TMCC2: variants seen among roughly 807,000 people sequenced by gnomAD.
The protein encoded by TMCC2 is transmembrane and coiled-coil domains protein 2.
A neutral mutation model predicts 49.4 loss-of-function variants in TMCC2; 16 were observed. The ratio of observed to expected loss-of-function variants is 0.32; its 90% CI spans 0.22 to 0.49. The LOEUF (loss-of-function observed/expected upper bound fraction) is 0.49. TMCC2 is among the 20% of genes least tolerant of loss of function. The probability of loss-of-function intolerance (pLI) is 0.99; values close to 1 mark genes in which losing one functional copy is unlikely to be tolerated. For missense variants in TMCC2, 762 were observed against 989.8 expected (o/e 0.77, Z 3.09); for synonymous variants, 397 against 434.1 (o/e 0.91, Z 1.06).
chr1:205,268,600 C>T (rs548984739), intron 2 of TMCC2, among the ~76,000 whole-genome samples: 11 of 152,170 alleles, frequency 7.2e-5, no homozygotes, highest in East Asian at 1.9e-4. Flanking sequence ...GGCAACAGAG[C>T]GAGACTGTGT....
At chr1:205,260,015 G>A (rs1661040150) in intron 2 of TMCC2, among the ~76,000 whole-genome samples, 1 of 152,212 alleles carries the variant, frequency 6.6e-6, no homozygotes, top group African/African-American at 2.4e-5. Context: ...AGAGCAAGAT[G>A]TAAGGCCCTG....
chr1:205,269,694 G>C lies in TMCC2; in HGVS notation c.1492G>C (p.Gly498Arg), dbSNP rs750461907. The change falls in exon 3 of 5, where the codon GGT (glycine) becomes CGT (arginine). Residue 498 changes from glycine to arginine, a missense_variant. By Grantham distance (125) the Gly-to-Arg change is moderately radical. Transcript: ENST00000358024. ...AGGCAGCAACTCTGGGGCTGGGCCT[G>C]GTGGGGCGCTGGGGAGCCCTAAGTC... ...GAGSNSGAGPGGALGSPKSNA... is the reference protein window; with the variant it reads ...GAGSNSGAGPRGALGSPKSNA... 5 of 1,614,064 alleles carry C rather than the reference G, an allele frequency of 3.1e-6. No homozygotes were observed. The East Asian group carries it at 6.7e-5, about 22-fold the overall frequency.
At chr1:205,234,153 A>T (rs1659926744) in intron 1 of TMCC2, 1 of 152,204 alleles carries the variant, frequency 6.6e-6, no homozygotes. Context: ...CCTAAAAACA[A>T]GGACATGGGA....
At chr1:205,242,227 TC>T (rs1194620528) in intron 2 of TMCC2, among the ~76,000 whole-genome samples, 183 bp downstream of exon 2, 1 of 152,198 alleles carries the variant, frequency 6.6e-6, no homozygotes, top group Non-Finnish European at 1.5e-5. Flanking sequence ...AAGAGATGAT[TC>T]CCAGGATGGC....
chr1:205,233,017 C>T (rs573633431), intron 1 of TMCC2, among the ~76,000 whole-genome samples: 4 of 131,792 alleles, frequency 3.0e-5, no homozygotes, highest in Non-Finnish European at 3.1e-5. Context: ...AAAACCACAA[C>T]GTGTGGTAGA....
rs1167646058 is a variant in TMCC2 at position 205,269,380 on chromosome 1, C to T, written c.1178C>T (p.Ala393Val). 3 of 1,609,920 alleles carry T rather than the reference C, an allele frequency of 1.9e-6. No individual in the cohort carries two copies. Among genetic ancestry groups the T allele is most frequent in the Non-Finnish European group, 2.5e-6 (3 of 1,177,594 alleles). The stretch of plus-strand genomic sequence containing the variant: ...AAGGACGTGGGCGCCAACGTGCGCG[C>T]AGGCATCAGCGGCTTTGGGGGCGGC... ...GLKDVGANVRAGISGFGGGVV... is the reference protein window; with the variant it reads ...GLKDVGANVRVGISGFGGGVV... The change falls in exon 3 of 5, where the codon GCA (alanine) becomes GTA (valine). Residue 393 changes from alanine to valine, a missense_variant. Ala to Val is a moderately conservative substitution (Grantham distance 64, BLOSUM62 0). This residue lies in a region of TMCC2 where 440 missense variants were observed against 636.7 expected (regional missense o/e 0.69). Coordinates refer to ENST00000358024, the MANE Select transcript of TMCC2 (RefSeq NM_014858.4).
intron 2 of TMCC2, among the ~76,000 whole-genome samples, chr1:205,266,188 C>T (rs918748106): frequency 6.7e-6 from 1 of 149,710 alleles, no homozygotes; most frequent in South Asian, 2.1e-4. Context: ...TTGCAGTGAG[C>T]CAAGATTGCG....
chr1:205,267,961 G>A lies in TMCC2; in HGVS notation c.748-989G>A, dbSNP rs115684078. 9.2e-3 allele frequency: 9,108 copies of A among 985,256 alleles called. 143 individuals carry two copies. The highest frequency in any genetic ancestry group is 0.06 in the African/African-American group (3,417 of 57,284). The allele number at this position is 985,256 out of a possible 1,614,324, so 61.0% of individuals were successfully genotyped here. On this transcript the variant is annotated intron_variant, in intron 2 of 4. Transcript: ENST00000358024. Reference sequence around the variant, plus strand: ...GGACCTGGCCAGCAGGGTGGGGGTGGGGCATGCTCCTCTCCCAATTCTCGG... The same window carrying A: ...GGACCTGGCCAGCAGGGTGGGGGTGAGGCATGCTCCTCTCCCAATTCTCGG...
At chr1:205,249,502 C>T (rs1455638319) in intron 2 of TMCC2, among the ~76,000 whole-genome samples, 6 of 152,196 alleles carry the variant, frequency 3.9e-5, no homozygotes, top group Non-Finnish European at 7.3e-5. Context: ...CAAACATGAC[C>T]GCTCAGCCAG....
chr1:205,271,613 ACT>A (rs796981590), intron 4 of TMCC2, among the ~76,000 whole-genome samples, 198 bp from the exon 5 acceptor site: 11 of 151,860 alleles, frequency 7.2e-5, no homozygotes, highest in African/African-American at 2.7e-4. Context: ...AGTAATCAAG[ACT>A]CTCATTTCCT....
intron 2 of TMCC2, among the ~76,000 whole-genome samples, chr1:205,258,066 C>T (rs1207763451): frequency 1.3e-5 from 2 of 152,174 alleles, no homozygotes; most frequent in Admixed American, 6.5e-5. Flanking sequence ...TCCACCAGGA[C>T]AAGAGAGTAG....
At chr1:205,232,994 GAA>G (rs36013713) in intron 1 of TMCC2, among the ~76,000 whole-genome samples, 121 of 105,316 alleles carry the variant, frequency 1.1e-3, no homozygotes, top group East Asian at 3.7e-3. Flanking sequence ...AACAACAACC[GAA>G]AAAAAAAAAA....
rs1032147426 is a variant in TMCC2 at position 205,257,085 on chromosome 1, C to T, written c.748-11865C>T. Reference sequence around the variant, plus strand: ...ATCTCATCAGAGCTCGGTCCTCCCGCGCTCGGTGATCCTCCCTGTCTCCTG... The same window carrying T: ...ATCTCATCAGAGCTCGGTCCTCCCGTGCTCGGTGATCCTCCCTGTCTCCTG... On this transcript the variant is annotated intron_variant, in intron 2 of 4. Coordinates refer to ENST00000358024, the MANE Select transcript of TMCC2 (RefSeq NM_014858.4). 30 of 1,120,552 alleles carry T rather than the reference C, an allele frequency of 2.7e-5. 1 individual carries two copies. The South Asian group carries it at 4.2e-4, about 16-fold the overall frequency. 69.4% of individuals were successfully genotyped at this position (1,120,552 alleles called of 1,614,324 possible).
rs1660251980 is a variant in TMCC2 at position 205,241,291 on chromosome 1, A to G, written c.208-214A>G. ...GTCCCGTGGAAAACCGTGGGGGCAC[A>G]CTTCTTTCGGAATGAAAGGATGGGT... On this transcript the variant is annotated intron_variant, in intron 1 of 4. Coordinates refer to ENST00000358024, the MANE Select transcript of TMCC2 (RefSeq NM_014858.4). The surrounding 1 kb of genome is among the most constrained non-coding windows in gnomAD (Gnocchi z 7.3). 6.6e-6 allele frequency among the ~76,000 whole-genome samples: 1 copy of G among 152,158 alleles called. No individual in the cohort carries two copies. The highest frequency in any genetic ancestry group is 2.4e-5 in the African/African-American group (1 of 41,430).
intron 2 of TMCC2, chr1:205,246,643 A>C (rs1162743039): frequency 6.4e-7 from 1 of 1,550,400 alleles, no homozygotes; most frequent in South Asian, 1.2e-5. Context: ...TTCAGCCCTT[A>C]ATGAGCAGAC....
chr1:205,250,512 G>A (rs1660626217), intron 2 of TMCC2, among the ~76,000 whole-genome samples: 2 of 151,988 alleles, frequency 1.3e-5, no homozygotes, highest in African/African-American at 4.8e-5. Flanking sequence ...TTACACTCCA[G>A]ACTGGGCAAC....
intron 2 of TMCC2, among the ~76,000 whole-genome samples, chr1:205,260,359 G>C (rs1410454992): frequency 6.6e-6 from 1 of 152,270 alleles, no homozygotes; most frequent in Non-Finnish European, 1.5e-5. Flanking sequence ...TTGGGCTGGG[G>C]AACCTTGGGC....
At chr1:205,253,535 T>G (rs533125725) in intron 2 of TMCC2, among the ~76,000 whole-genome samples, 38 of 152,362 alleles carry the variant, frequency 2.5e-4, no homozygotes, top group African/African-American at 9.1e-4. Context: ...GTGACCACTC[T>G]GTGTCACTGA....
chr1:205,230,051 C>G, intron 1 of TMCC2: 1 of 985,454 alleles, frequency 1.0e-6, no homozygotes, highest in Non-Finnish European at 1.2e-6. Flanking sequence ...GGAAAGGACT[C>G]TGTTGCATTT....
Sources: gnomAD v4.1 joint callset for allele counts (sites outside exome capture counted in the v4.1 genomes callset) on GRCh38, gnomAD v4.1.1 for gene constraint, gnomAD v4.1.1 regional missense constraint, Gnocchi (gnomAD v3.1) non-coding constraint, MANE v1.5 for transcripts, NCBI Gene and HGNC (gene_info 2026-07-23, HGNC 2026-07-21) for gene names.